Variants in RORA observed in about 807,000 individuals in gnomAD.
The protein encoded by RORA is RAR related orphan receptor A, also known as nuclear receptor ROR-alpha.
Under a neutral mutation model 69.5 loss-of-function variants are expected in RORA, and 7 were observed. The ratio of observed to expected loss-of-function variants is 0.10; its 90% confidence interval spans 0.06 to 0.19. The LOEUF (loss-of-function observed/expected upper bound fraction) is 0.19. RORA is among the 10% of genes least tolerant of loss of function. The pLI, the probability that RORA is intolerant of heterozygous loss-of-function variation, is 1.00. For missense variants in RORA, 457 were observed against 663.0 expected (o/e 0.69, Z 3.41); for synonymous variants, 261 against 240.8 (o/e 1.08, Z -0.78).
At position 60,531,554 on chromosome 15, in the gene RORA, T is replaced by C. The variant is rs2066526761; in HGVS notation, c.282+212A>G. 2 of 485,094 alleles carry C rather than the reference T, an allele frequency of 4.1e-6. No individual in the cohort carries two copies. Among genetic ancestry groups the C allele is most frequent in the Non-Finnish European group, 7.1e-6 (2 of 280,396 alleles). The allele number at this position is 485,094 out of a possible 1,614,324, so 30.0% of individuals were successfully genotyped here. On this transcript the variant is annotated intron_variant, in intron 3 of 10. Transcript: ENST00000335670. The surrounding 1 kb of genome is among the most constrained non-coding windows in gnomAD (Gnocchi z 4.8). ...TAAACAAGCAATGCTCAAATACCTT[T>C]TTGTAATCTCCTATTATTTTGAAGG... is the stretch of plus-strand genomic sequence containing the variant.
At chr15:61,046,767 G>C (rs912555090) in intron 1 of RORA, among the ~76,000 whole-genome samples, 1 of 152,132 alleles carries the variant, frequency 6.6e-6, no homozygotes, top group Non-Finnish European at 1.5e-5. Context: ...AACAGAGAGG[G>C]AAAAAACAGC....
chr15:61,063,770 A>G (rs2140555115), intron 1 of RORA, among the ~76,000 whole-genome samples: 1 of 152,362 alleles, frequency 6.6e-6, no homozygotes, highest in East Asian at 1.9e-4. Context: ...TTAGAAAAGA[A>G]AAAGAACACT....
chr15:61,227,864 C>G (rs1410443526), intron 1 of RORA, among the ~76,000 whole-genome samples: 2 of 152,212 alleles, frequency 1.3e-5, no homozygotes, highest in African/African-American at 4.8e-5. Context: ...GTAATTAAAG[C>G]TGTAGCTTCC....
At chr15:61,130,621 A>G (rs1045734365) in intron 1 of RORA, among the ~76,000 whole-genome samples, 1 of 152,210 alleles carries the variant, frequency 6.6e-6, no homozygotes, top group African/African-American at 2.4e-5. Flanking sequence ...TTCCTCCTCC[A>G]TAAAATGGAG....
At chr15:60,599,380 A>G (rs1290314117) in intron 2 of RORA, among the ~76,000 whole-genome samples, 2 of 152,132 alleles carry the variant, frequency 1.3e-5, no homozygotes, top group African/African-American at 4.8e-5. Context: ...GCGAAACCCC[A>G]TCTCTACTAA....
In RORA at chr15:61,206,351, T is replaced by G. The variant is rs549257469; in HGVS notation, c.166+22702A>C. 2.6e-5 allele frequency among the ~76,000 whole-genome samples: 4 copies of G among 152,286 alleles called. No homozygotes were observed. The East Asian group carries it at 5.8e-4, about 22-fold the overall frequency. On this transcript the variant is annotated intron_variant, in intron 1 of 10. Coordinates refer to ENST00000335670, the MANE Select transcript of RORA (RefSeq NM_134261.3). ...CACTAGCATATTCACAAATACTGTT[T>G]GTTGAATGGAAAGTATTTATTCATC...
rs1328034058 is a variant in RORA at position 60,534,265 on chromosome 15, C to T, written c.197-2414G>A. Among the ~76,000 whole-genome samples, 1 of 152,084 alleles carries T rather than the reference C, an allele frequency of 6.6e-6. No homozygotes were observed. Among genetic ancestry groups the T allele is most frequent in the African/African-American group, 2.4e-5 (1 of 41,406 alleles). On this transcript the variant is annotated intron_variant, in intron 2 of 10. Transcript: ENST00000335670. The surrounding 1 kb of genome is among the most constrained non-coding windows in gnomAD (Gnocchi z 5.0). ...CAGCACTTCCACCCTTGGAATGGCT[C>T]ATGTCCTGGCAGGGGTGAGGGTAGG...
chr15:60,545,722 C>T (rs563571117), intron 2 of RORA, among the ~76,000 whole-genome samples: 17 of 152,258 alleles, frequency 1.1e-4, no homozygotes, highest in Middle Eastern at 3.4e-3. Context: ...ATTTTCCTTT[C>T]CTTCCTCATT....
chr15:60,913,493 A>C (rs1595812637), intron 1 of RORA, among the ~76,000 whole-genome samples: 2 of 152,330 alleles, frequency 1.3e-5, no homozygotes, highest in East Asian at 3.9e-4. Flanking sequence ...CTGTCAGTAC[A>C]ACTTCCCCCG....
intron 1 of RORA, among the ~76,000 whole-genome samples, chr15:60,839,190 G>C (rs1373527326): frequency 6.6e-6 from 1 of 152,062 alleles, no homozygotes; most frequent in Non-Finnish European, 1.5e-5. Flanking sequence ...GAGCCACCGC[G>C]CCTGGCCTCA....
At chr15:61,153,247 G>A (rs936839565) in intron 1 of RORA, among the ~76,000 whole-genome samples, 2 of 152,140 alleles carry the variant, frequency 1.3e-5, no homozygotes, top group African/African-American at 4.8e-5. Flanking sequence ...TAACCTGCAG[G>A]AATGGCAAGA....
intron 1 of RORA, among the ~76,000 whole-genome samples, chr15:61,019,276 C>T (rs1003041593): frequency 3.9e-5 from 6 of 152,174 alleles, no homozygotes; most frequent in Non-Finnish European, 8.8e-5. Flanking sequence ...CCCATTTGTT[C>T]TCAGGAACTG....
intron 1 of RORA, among the ~76,000 whole-genome samples, chr15:60,803,397 T>C (rs1392126851): frequency 6.6e-6 from 1 of 152,204 alleles, no homozygotes; most frequent in African/African-American, 2.4e-5. Flanking sequence ...AGTTCACTTG[T>C]TTAGACTCTT....
At chr15:60,873,255 G>A (rs2073578050) in intron 1 of RORA, among the ~76,000 whole-genome samples, 1 of 126,976 alleles carries the variant, frequency 7.9e-6, no homozygotes. Flanking sequence ...GTGTCTGTGT[G>A]TGTGTGTCTG....
chr15:60,771,192 A>AT (rs60662094), intron 1 of RORA, among the ~76,000 whole-genome samples: 3 of 29,706 alleles, frequency 1.0e-4, no homozygotes, highest in Non-Finnish European at 3.1e-4. Context: ...AACTCCCCCT[A>AT]CCCTCCATTC....
chr15:60,516,373 A>G (rs960137589), intron 3 of RORA, among the ~76,000 whole-genome samples: 3 of 144,230 alleles, frequency 2.1e-5, no homozygotes, highest in Admixed American at 7.5e-5. Context: ...TGTTGGGATT[A>G]CAGGCATGAT....
At chr15:60,615,981 A>G (rs2069230809) in intron 2 of RORA, among the ~76,000 whole-genome samples, 1 of 152,220 alleles carries the variant, frequency 6.6e-6, no homozygotes, top group African/African-American at 2.4e-5. Context: ...GGGGTGCTGA[A>G]TTTAGTTCCT....
At chr15:60,879,917 C>T (rs1002313775) in intron 1 of RORA, among the ~76,000 whole-genome samples, 1 of 152,170 alleles carries the variant, frequency 6.6e-6, no homozygotes, top group East Asian at 1.9e-4. Flanking sequence ...AGCACACATA[C>T]AAGCCATCCC....
chr15:60,831,505 G>C (rs1173627561), intron 1 of RORA, among the ~76,000 whole-genome samples: 1 of 152,152 alleles, frequency 6.6e-6, no homozygotes, highest in African/African-American at 2.4e-5. Context: ...TTCCCTGGAG[G>C]TCAGGTCTGA....
Sources: allele counts gnomAD v4.1 joint callset (sites outside exome capture counted in the v4.1 genomes callset), GRCh38; gene constraint gnomAD v4.1.1; non-coding constraint Gnocchi (gnomAD v3.1); transcripts MANE v1.5; gene names NCBI Gene and HGNC (gene_info 2026-07-23, HGNC 2026-07-21).